The following PPP1R14C variants were observed in gnomAD, a reference collection of about 807,000 sequenced individuals.
The protein encoded by PPP1R14C is protein phosphatase 1 regulatory subunit 14C.
PPP1R14C carries 16 observed loss-of-function variants against 20.4 expected under a neutral mutation model. That is an observed-to-expected ratio of 0.78 (90% CI 0.53 to 1.19). PPP1R14C has a LOEUF of 1.19. Ranked by LOEUF, PPP1R14C falls within the 50% of genes most tolerant of loss-of-function variation. The probability of loss-of-function intolerance (pLI) is 0.00; values close to 1 mark genes in which losing one functional copy is unlikely to be tolerated. For missense variants in PPP1R14C, 211 were observed against 220.1 expected (o/e 0.96, Z 0.26); for synonymous variants, 91 against 91.0 (o/e 1.00, Z 0.00).
At chr6:150,161,797 T>C (rs1256741707) in intron 1 of PPP1R14C, among the ~76,000 whole-genome samples, 1 of 152,250 alleles carries the variant, frequency 6.6e-6, no homozygotes, top group Admixed American at 6.5e-5. Flanking sequence ...AGTGAGGTTG[T>C]TGCATACATT....
intron 1 of PPP1R14C, among the ~76,000 whole-genome samples, chr6:150,202,089 C>T (rs1777884732): frequency 6.6e-6 from 1 of 152,212 alleles, no homozygotes; most frequent in Non-Finnish European, 1.5e-5. Flanking sequence ...GGGGCCTGCC[C>T]TCTGACCCTG....
intron 1 of PPP1R14C, among the ~76,000 whole-genome samples, chr6:150,158,732 T>G (rs1304296844): frequency 2.0e-5 from 3 of 152,248 alleles, no homozygotes; most frequent in Admixed American, 2.0e-4. Flanking sequence ...AGTATCCCAC[T>G]GTTTTATTGT....
intron 3 of PPP1R14C, among the ~76,000 whole-genome samples, chr6:150,243,347 T>G (rs1337931517): frequency 6.6e-6 from 1 of 152,040 alleles, no homozygotes; most frequent in Non-Finnish European, 1.5e-5. Flanking sequence ...GGCTAATTTT[T>G]GTATTTTTTT....
At chr6:150,222,489 T>A (rs1778180487) in intron 3 of PPP1R14C, among the ~76,000 whole-genome samples, 1 of 152,120 alleles carries the variant, frequency 6.6e-6, no homozygotes, top group Non-Finnish European at 1.5e-5. Flanking sequence ...ACATTAGGAT[T>A]CACTCTTGGT....
At chr6:150,209,747 G>A (rs1395012960) in intron 1 of PPP1R14C, among the ~76,000 whole-genome samples, 3 of 151,666 alleles carry the variant, frequency 2.0e-5, no homozygotes, top group Admixed American at 1.3e-4. Context: ...GTGTATTCGT[G>A]TGTGTATGTT....
chr6:150,224,742 C>T (rs1438909426), intron 3 of PPP1R14C, among the ~76,000 whole-genome samples: 2 of 152,228 alleles, frequency 1.3e-5, no homozygotes, highest in Non-Finnish European at 2.9e-5. Context: ...TTCCAACATT[C>T]CTGCTGTATC....
At chr6:150,187,375 G>A (rs2114884195) in intron 1 of PPP1R14C, among the ~76,000 whole-genome samples, 1 of 151,710 alleles carries the variant, frequency 6.6e-6, no homozygotes, top group African/African-American at 2.4e-5. Context: ...ATGGGAGTTT[G>A]TTGTACAGAT....
chr6:150,173,081 T>C (rs1777516656), intron 1 of PPP1R14C, among the ~76,000 whole-genome samples: 1 of 152,002 alleles, frequency 6.6e-6, no homozygotes, highest in African/African-American at 2.4e-5. Flanking sequence ...AAGCACAGAG[T>C]TTTCCCCATG....
chr6:150,175,995 C>T lies in PPP1R14C; in HGVS notation c.306+32497C>T, dbSNP rs184369217. Among the ~76,000 whole-genome samples, 192 of 152,326 alleles carry T rather than the reference C, an allele frequency of 1.3e-3. 1 individual carries two copies. Among genetic ancestry groups the T allele is most frequent in the South Asian group, 9.1e-3 (44 of 4,820 alleles). On this transcript the variant is annotated intron_variant, in intron 1 of 3. Transcript: ENST00000361131. ...CCGGCCACACCTGTCATAAGTGACT[C>T]TACTAAAGGGGAATTCAGAATTCCA... is the stretch of plus-strand genomic sequence containing the variant.
At chr6:150,234,717 T>G (rs1228970408) in intron 3 of PPP1R14C, among the ~76,000 whole-genome samples, 1 of 151,668 alleles carries the variant, frequency 6.6e-6, no homozygotes, top group African/African-American at 2.4e-5. Context: ...GGCATGGTGG[T>G]GCACACCTGT....
At position 150,187,247 on chromosome 6, in the gene PPP1R14C, C is replaced by CTGTGTGTGTGTGTGTG. The variant is rs61153538; in HGVS notation, c.307-27467_307-27452dup. On this transcript the variant is annotated intron_variant, in intron 1 of 3. Coordinates refer to ENST00000361131, the MANE Select transcript of PPP1R14C (RefSeq NM_030949.3). ...TGCCCACCTTGGCCTTTCTCTTTCT[C>CTGTGTGTGTGTGTGTG]TGTGTGTGTGTGTGTGTGTGTGTGT... Among the ~76,000 whole-genome samples, 6 of 141,592 alleles carry CTGTGTGTGTGTGTGTG rather than the reference C, an allele frequency of 4.2e-5. No homozygotes were observed. In the East Asian group the frequency reaches 6.3e-4, roughly 15 times the overall value. 92.9% of individuals were successfully genotyped at this position (141,592 alleles called of 152,430 possible).
At chr6:150,212,878 T>A (rs577075514) in intron 1 of PPP1R14C, among the ~76,000 whole-genome samples, 16 of 152,270 alleles carry the variant, frequency 1.1e-4, no homozygotes, top group African/African-American at 3.4e-4. Flanking sequence ...AGCCTGGGTG[T>A]GTGGTAGGCT....
rs117753524 is a variant in PPP1R14C, at chr6:150,202,177, T to C, written c.307-12567T>C. The stretch of plus-strand genomic sequence containing the variant: ...GTGAGGAAGGTAGTGCAAGGAATGT[T>C]CTAGCAAGTTTCTCATCCTCATGCA... On this transcript the variant is annotated intron_variant, in intron 1 of 3. Coordinates refer to ENST00000361131, the MANE Select transcript of PPP1R14C (RefSeq NM_030949.3). Among the ~76,000 whole-genome samples, 1,332 of 152,232 alleles carry C rather than the reference T, an allele frequency of 8.7e-3. 38 individuals are homozygous for C. Among genetic ancestry groups the C allele is most frequent in the Admixed American group, 0.054 (825 of 15,296 alleles).
intron 1 of PPP1R14C, among the ~76,000 whole-genome samples, chr6:150,166,137 G>A (rs1187203940): frequency 2.0e-5 from 3 of 151,606 alleles, no homozygotes; most frequent in African/African-American, 4.8e-5. Flanking sequence ...CTGGGGTGCA[G>A]TGGCGCTATC....
At chr6:150,170,225 T>C (rs1441278272) in intron 1 of PPP1R14C, among the ~76,000 whole-genome samples, 2 of 151,988 alleles carry the variant, frequency 1.3e-5, no homozygotes, top group Non-Finnish European at 2.9e-5. Context: ...TTTTGGAAAA[T>C]ACAATCTGCC....
intron 3 of PPP1R14C, among the ~76,000 whole-genome samples, chr6:150,245,098 A>G (rs747850382): frequency 3.3e-5 from 5 of 151,384 alleles, no homozygotes; most frequent in African/African-American, 7.3e-5. Context: ...AGTGACCTTA[A>G]TTTTCTGCTT....
At position 150,214,823 on chromosome 6, in the gene PPP1R14C, T is replaced by A. The variant is rs775117710; in HGVS notation, c.386T>A (p.Leu129Ter). 1 of 1,608,568 alleles carries A rather than the reference T, an allele frequency of 6.2e-7. No individual in the cohort carries two copies. Among genetic ancestry groups the A allele is most frequent in the Non-Finnish European group, 8.5e-7 (1 of 1,177,068 alleles). Residue 129 changes from leucine to a stop codon, truncating the protein, a stop_gained, in exon 2 of 4, where the codon TTA becomes TAA. Transcript: ENST00000361131. LOFTEE classifies it high-confidence loss of function. ...AGTGATGAAGAGAGAGCTTCAAAAT[T>A]ACAGGTAAGCAGTTTCCAAAATTGA... ...ADSDEERASK[L>*]QEALVDCYKP...
chr6:150,188,578 C>G (rs1028883431), intron 1 of PPP1R14C, among the ~76,000 whole-genome samples: 5 of 150,054 alleles, frequency 3.3e-5, no homozygotes, highest in South Asian at 2.1e-4. Context: ...GCTCTGCCTC[C>G]TGGGTTCATG....
At chr6:150,229,375 G>A (rs1778267079) in intron 3 of PPP1R14C, among the ~76,000 whole-genome samples, 1 of 152,120 alleles carries the variant, frequency 6.6e-6, no homozygotes, top group African/African-American at 2.4e-5. Flanking sequence ...TACTGTGACT[G>A]GATGATATAT....
Sources: allele counts gnomAD v4.1 joint callset (sites outside exome capture counted in the v4.1 genomes callset), GRCh38; gene constraint gnomAD v4.1.1; transcripts MANE v1.5; gene names NCBI Gene and HGNC (gene_info 2026-07-23, HGNC 2026-07-21).